KARS1: variants seen among roughly 807,000 people sequenced by gnomAD.
KARS1 encodes lysyl-tRNA synthetase 1, also known as lysine--tRNA ligase.
KARS1 carries 50 observed loss-of-function variants against 63.9 expected under a neutral mutation model. The ratio of observed to expected loss-of-function variants is 0.78; its 90% CI spans 0.62 to 0.99. The LOEUF (loss-of-function observed/expected upper bound fraction) is 0.99. KARS1 is among the 50% of genes least tolerant of loss of function. The pLI is 0.00. For synonymous variants in KARS1, 320 were observed against 264.6 expected, an observed-to-expected ratio of 1.21 and a Z score of -2.03; for missense variants, 816 against 754.5, an observed-to-expected ratio of 1.08 and a Z score of -0.95.
intron 2 of KARS1, 62 bp from the exon 3 acceptor site, chr16:75,640,411 C>A: frequency 6.5e-7 from 1 of 1,539,506 alleles, no homozygotes; most frequent in Non-Finnish European, 9.0e-7. Flanking sequence ...CAGTGGGGCC[C>A]ACCTAGCAGA....
intron 3 of KARS1, among the ~76,000 whole-genome samples, chr16:75,638,429 C>T (rs529346777): frequency 1.3e-5 from 2 of 152,194 alleles, no homozygotes; most frequent in African/African-American, 2.4e-5. Context: ...TGTTCCCCTC[C>T]CTGTGTCCAT....
chr16:75,642,349 T>A (rs768961178), intron 1 of KARS1, among the ~76,000 whole-genome samples: 32 of 151,902 alleles, frequency 2.1e-4, no homozygotes, highest in Admixed American at 1.1e-3. Flanking sequence ...ATTACAGGTG[T>A]GTACCACCAC....
chr16:75,633,981 C>T, intron 7 of KARS1, 192 bp downstream of exon 7: 2 of 671,288 alleles, frequency 3.0e-6, no homozygotes, highest in East Asian at 3.0e-5. Flanking sequence ...TTGGTCTCTG[C>T]CCTACAATGC....
chr16:75,634,408 G>A (rs565530256), intron 6 of KARS1, 116 bp from the exon 7 acceptor site: 3 of 1,059,484 alleles, frequency 2.8e-6, no homozygotes, highest in Non-Finnish European at 4.2e-6. Context: ...ATGTTAATAA[G>A]TTCAACAGTA....
At chr16:75,644,289 T>C (rs1214346725) in intron 1 of KARS1, 3 of 1,599,942 alleles carry the variant, frequency 1.9e-6, no homozygotes, top group South Asian at 2.3e-5. Flanking sequence ...CAACCTTCTT[T>C]GATCAGAAAA....
At chr16:75,636,125 T>C (rs767128751) in intron 4 of KARS1, 27 bp from the exon 5 acceptor site, 1 of 1,375,986 alleles carries the variant, frequency 7.3e-7, no homozygotes, top group Non-Finnish European at 1.0e-6. Flanking sequence ...TGTAATTCAG[T>C]AACAACAATT....
intron 3 of KARS1, among the ~76,000 whole-genome samples, chr16:75,638,078 A>C (rs2082182670): frequency 1.3e-5 from 2 of 152,204 alleles, no homozygotes; most frequent in African/African-American, 2.4e-5. Flanking sequence ...TGTAAATGTA[A>C]GCAACATAAA....
chr16:75,641,050 T>C (rs970479188), intron 2 of KARS1, among the ~76,000 whole-genome samples: 2 of 152,076 alleles, frequency 1.3e-5, no homozygotes, highest in Non-Finnish European at 2.9e-5. Flanking sequence ...GCGCCTCTAA[T>C]ACCAGTTACT....
rs1384751727 is a variant in KARS1 at position 75,631,060 on chromosome 16, T to C, written c.1338+108A>G. 1.1e-5 allele frequency: 9 copies of C among 823,840 alleles called. No individual in the cohort carries two copies. In the East Asian group the frequency reaches 1.3e-4, roughly 12 times the overall value. 51.0% of individuals were successfully genotyped at this position (823,840 alleles called of 1,614,324 possible). On this transcript the variant is annotated intron_variant, in intron 10 of 13. Transcript: ENST00000302445. ...TCTTGTTCTCTCTCTAGGGTTTTCC[T>C]GTGAAGCTGCAGAAATGAACTCTCC...
intron 1 of KARS1, chr16:75,642,962 C>A (rs2082241190): frequency 6.6e-6 from 1 of 152,192 alleles, no homozygotes; most frequent in South Asian, 2.1e-4. Flanking sequence ...TTCTAGGTAT[C>A]TTTTAGTATC....
At chr16:75,645,238 G>A (rs182694190) in intron 1 of KARS1, among the ~76,000 whole-genome samples, 145 of 152,336 alleles carry the variant, frequency 9.5e-4, no homozygotes, top group Non-Finnish European at 1.6e-3. Flanking sequence ...GTAACGAGAG[G>A]AATAGACATC....
intron 6 of KARS1, among the ~76,000 whole-genome samples, 169 bp from the exon 7 acceptor site, chr16:75,634,461 G>A (rs565287634): frequency 1.6e-4 from 25 of 152,310 alleles, no homozygotes; most frequent in African/African-American, 5.1e-4. Context: ...GATTTTCTAC[G>A]ACAGTGTCTC....
At chr16:75,642,185 CTTT>C (rs148991591) in intron 1 of KARS1, among the ~76,000 whole-genome samples, 1,767 of 62,254 alleles carry the variant, frequency 0.028, 1 homozygote, top group East Asian at 0.045. Flanking sequence ...AGTGCCAGGT[CTTT>C]TTTTTTTTTT....
At chr16:75,645,993 G>A (rs1460006174) in intron 1 of KARS1, among the ~76,000 whole-genome samples, 1 of 152,090 alleles carries the variant, frequency 6.6e-6, no homozygotes, top group Non-Finnish European at 1.5e-5. Context: ...ATCATAGGTG[G>A]TTTGAAAGAA....
At chr16:75,637,900 CA>C (rs11386229) in intron 3 of KARS1, among the ~76,000 whole-genome samples, 15,119 of 93,672 alleles carry the variant, frequency 0.16, 1,869 homozygotes, top group East Asian at 0.7. Flanking sequence ...AAAAAGAGAC[CA>C]AAAAAAAAAA....
At chr16:75,647,499 C>T (rs914491768) in intron 1 of KARS1, 79 bp downstream of exon 1, 173 of 1,348,550 alleles carry the variant, frequency 1.3e-4, no homozygotes, top group Non-Finnish European at 1.7e-4. Flanking sequence ...GGCACAGCAG[C>T]CTTGGTGGGA....
chr16:75,641,517 C>A (rs770541758), intron 2 of KARS1, 47 bp downstream of exon 2: 1 of 1,569,298 alleles, frequency 6.4e-7, no homozygotes, highest in Non-Finnish European at 8.7e-7. Context: ...GAAGCCTCAT[C>A]AGAAGCTTTC....
At chr16:75,631,023 G>A in intron 10 of KARS1, 145 bp downstream of exon 10, 3 of 699,880 alleles carry the variant, frequency 4.3e-6, no homozygotes, top group Non-Finnish European at 7.7e-6. Context: ...ACAGTTAAAA[G>A]TCTGTTAATT....
rs1347615489 is a variant in KARS1, at chr16:75,634,303, C to A, written c.796-11G>T. 3.7e-6 allele frequency: 6 copies of A among 1,613,530 alleles called. No homozygotes were observed. The highest frequency in any genetic ancestry group is 1.7e-5 in the Admixed American group (1 of 59,988). ...CATGGGAGTTTCAATCTAAAAAAGG[C>A]AGGGAGAAACATCAGTCCTTAGATA... On this transcript the variant is annotated splice_polypyrimidine_tract_variant and intron_variant, in intron 6 of 13. Coordinates refer to ENST00000302445, the MANE Select transcript of KARS1 (RefSeq NM_005548.3).
Sources: gnomAD v4.1 joint callset for allele counts (sites outside exome capture counted in the v4.1 genomes callset) on GRCh38, gnomAD v4.1.1 for gene constraint, MANE v1.5 for transcripts, NCBI Gene and HGNC (gene_info 2026-07-23, HGNC 2026-07-21) for gene names.